The following ATP13A4 variants were observed in gnomAD, a reference collection of about 807,000 sequenced individuals.
ATP13A4 encodes probable cation-transporting ATPase 13A4.
Under a neutral mutation model 142.5 loss-of-function variants are expected in ATP13A4, and 114 were observed. The ratio of observed to expected loss-of-function variants is 0.80; its 90% CI spans 0.69 to 0.93. The LOEUF (loss-of-function observed/expected upper bound fraction) is 0.93. Ranked by LOEUF, ATP13A4 falls within the 40% of genes least tolerant of loss-of-function variation. The pLI, the probability that ATP13A4 is intolerant of heterozygous loss-of-function variation, is 0.00. For missense variants in ATP13A4, 1,392 were observed against 1,454.0 expected (o/e 0.96, Z 0.69); for synonymous variants, 488 against 514.8 (o/e 0.95, Z 0.70).
intron 25 of ATP13A4, among the ~76,000 whole-genome samples, chr3:193,430,193 T>C (rs1422934603): frequency 6.6e-6 from 1 of 152,100 alleles, no homozygotes; most frequent in Non-Finnish European, 1.5e-5. Flanking sequence ...ATTAAACTCT[T>C]CTGTGACACC....
Position 193,467,464 on chromosome 3 carries a change from T to A in ATP13A4, c.966A>T (p.Lys322Asn), listed in dbSNP as rs1458830609. The A allele has an allele frequency of 6.2e-7, 1 of 1,613,650 alleles. No individual in the cohort carries two copies. Among genetic ancestry groups the A allele is most frequent in the Admixed American group, 1.7e-5 (1 of 59,992 alleles). ...MLTGESIPVT[K>N]TPLPKMDSSV... ...AGCTATCCATCTTGGGTAACGGAGT[T>A]TTGGTGACTGGAATACTTTCTCCTA... Residue 322 changes from lysine to asparagine, a missense_variant, in exon 10 of 30, where the codon AAA (lysine) becomes AAT (asparagine). Coordinates refer to ENST00000342695, the MANE Select transcript of ATP13A4 (RefSeq NM_032279.4).
chr3:193,404,214 C>G, intron 29 of ATP13A4: 2 of 942,266 alleles, frequency 2.1e-6, no homozygotes, highest in Non-Finnish European at 2.5e-6. Flanking sequence ...ATCTTACTTA[C>G]TTCAAGGAAA....
At chr3:193,516,818 T>C (rs1180107797) in intron 1 of ATP13A4, among the ~76,000 whole-genome samples, 4 of 152,206 alleles carry the variant, frequency 2.6e-5, no homozygotes, top group African/African-American at 9.6e-5. Context: ...CTCTCTACAG[T>C]TTCCAAAGTG....
intron 2 of ATP13A4, among the ~76,000 whole-genome samples, chr3:193,581,218 A>G (rs1724537310): frequency 6.6e-6 from 1 of 152,244 alleles, no homozygotes; most frequent in African/African-American, 2.4e-5. Context: ...ATACTGAAAG[A>G]ATATTGTCTC....
intron 2 of ATP13A4, among the ~76,000 whole-genome samples, chr3:193,570,262 G>T (rs1169005664): frequency 2.0e-5 from 3 of 152,188 alleles, no homozygotes; most frequent in African/African-American, 7.2e-5. Context: ...GCAGTGAGCT[G>T]TGATTGTGTA....
At chr3:193,541,173 C>T (rs1722888813) in intron 1 of ATP13A4, among the ~76,000 whole-genome samples, 2 of 145,564 alleles carry the variant, frequency 1.4e-5, no homozygotes, top group South Asian at 2.2e-4. Context: ...GGCGTGAACC[C>T]GGGAGGCGGA....
At chr3:193,508,710 G>C (rs1720982924) in intron 2 of ATP13A4, among the ~76,000 whole-genome samples, 1 of 152,158 alleles carries the variant, frequency 6.6e-6, no homozygotes, top group Non-Finnish European at 1.5e-5. Context: ...GACTGAGTTG[G>C]GGAGTGGGTA....
intron 1 of ATP13A4, among the ~76,000 whole-genome samples, chr3:193,526,553 T>C (rs1722016023): frequency 6.6e-6 from 1 of 152,116 alleles, no homozygotes; most frequent in African/African-American, 2.4e-5. Flanking sequence ...CAAACCACTA[T>C]GGCACACGTA....
intron 1 of ATP13A4, among the ~76,000 whole-genome samples, chr3:193,522,760 A>T (rs1273645603): frequency 6.6e-6 from 1 of 152,210 alleles, no homozygotes; most frequent in Non-Finnish European, 1.5e-5. Context: ...GGAAATAGGC[A>T]AGAGGGACTC....
chr3:193,500,509 C>T (rs548244869), intron 3 of ATP13A4, among the ~76,000 whole-genome samples: 3 of 152,224 alleles, frequency 2.0e-5, no homozygotes, highest in Admixed American at 6.5e-5. Context: ...GTGATGGTTT[C>T]GGATCATCAG....
At chr3:193,563,521 G>T (rs1036578154) in intron 2 of ATP13A4, among the ~76,000 whole-genome samples, 1 of 152,194 alleles carries the variant, frequency 6.6e-6, no homozygotes, top group Non-Finnish European at 1.5e-5. Flanking sequence ...AGCCAGGTGA[G>T]GTGGCACATG....
rs778163652 is a variant in ATP13A4, at chr3:193,554,816, ACCT to A, written c.-20_-18del. The A allele has an allele frequency of 1.2e-5, 20 of 1,612,894 alleles. No individual in the cohort carries two copies. The highest frequency in any genetic ancestry group is 1.6e-5 in the Non-Finnish European group (19 of 1,179,862). ...GTGTCCCATGAAAAAGTTATTCCAC[ACCT>A]CCTCCCTGACCTTGTCGTGCAGACG... On this transcript the variant is annotated 5_prime_UTR_variant, in exon 1 of 30. Transcript: ENST00000342695.
chr3:193,404,844 G>A (rs961818848), intron 29 of ATP13A4, among the ~76,000 whole-genome samples: 3 of 152,152 alleles, frequency 2.0e-5, no homozygotes, highest in African/African-American at 7.2e-5. Context: ...GAAAGCCTTA[G>A]TGAGACATTT....
chr3:193,531,336 A>AGGG (rs1722323119), intron 1 of ATP13A4, among the ~76,000 whole-genome samples: 2 of 69,562 alleles, frequency 2.9e-5, no homozygotes, highest in Non-Finnish European at 6.0e-5. Context: ...GGAAGGAAGG[A>AGGG]AGGGAGGAAG....
At chr3:193,569,704 A>C (rs1278853546) in intron 2 of ATP13A4, among the ~76,000 whole-genome samples, 1 of 151,810 alleles carries the variant, frequency 6.6e-6, no homozygotes, top group African/African-American at 2.4e-5. Flanking sequence ...ATTAAAAAAA[A>C]AATTTTGTGT....
rs1159843903 is a variant in ATP13A4 at position 193,523,804 on chromosome 3, G to A, written c.61-8933C>T. ...TTTGACCCCCAGTACGGCTGTGTTG[G>A]GAGGTGGAATCTAGTGGTAGGGGTC... is the stretch of plus-strand genomic sequence containing the variant. On this transcript the variant is annotated intron_variant, in intron 1 of 29. Coordinates refer to ENST00000342695, the MANE Select transcript of ATP13A4 (RefSeq NM_032279.4). Among the ~76,000 whole-genome samples, 3 of 152,140 alleles carry A rather than the reference G, an allele frequency of 2.0e-5. 1 individual carries two copies. In the East Asian group the frequency reaches 5.8e-4, roughly 29 times the overall value.
At chr3:193,502,387 C>G (rs1720598581) in intron 3 of ATP13A4, 106 bp downstream of exon 3, 68 of 1,328,774 alleles carry the variant, frequency 5.1e-5, no homozygotes, top group Non-Finnish European at 7.1e-5. Context: ...TAAATATACA[C>G]TATCAAATGA....
chr3:193,527,899 G>A (rs2108698542), intron 1 of ATP13A4, among the ~76,000 whole-genome samples: 1 of 152,192 alleles, frequency 6.6e-6, no homozygotes, highest in Middle Eastern at 3.4e-3. Flanking sequence ...CCTCTCTGCA[G>A]GTATTTCTCT....
chr3:193,582,674 CAT>C (rs1491562831), intron 1 of ATP13A4, among the ~76,000 whole-genome samples: 4 of 64,282 alleles, frequency 6.2e-5, no homozygotes, highest in South Asian at 3.8e-4. Flanking sequence ...ATGTATATTA[CAT>C]ATATATTATA....
Sources: allele counts gnomAD v4.1 joint callset (sites outside exome capture counted in the v4.1 genomes callset), GRCh38; gene constraint gnomAD v4.1.1; transcripts MANE v1.5; gene names NCBI Gene and HGNC (gene_info 2026-07-23, HGNC 2026-07-21).